Variants in GPHN observed in about 807,000 individuals in gnomAD.
GPHN encodes gephyrin.
In GPHN, 17 loss-of-function variants were observed where a neutral mutation model predicts 95.5. The ratio of observed to expected loss-of-function variants is 0.18; its 90% CI spans 0.12 to 0.27. The LOEUF (loss-of-function observed/expected upper bound fraction) is 0.27. Ranked by LOEUF, GPHN falls within the 10% of genes least tolerant of loss-of-function variation. GPHN has a pLI of 1.00. For missense variants in GPHN, 660 were observed against 978.1 expected (o/e 0.67, Z 4.34); for synonymous variants, 320 against 322.5 (o/e 0.99, Z 0.08).
the GPHN span, chr14:67,589,669 T>A: frequency 7.1e-6 from 7 of 990,770 alleles, no homozygotes; most frequent in Non-Finnish European, 8.4e-6. Flanking sequence ...GGCTTGTTTT[T>A]TTCGTAACTT....
chr14:66,852,390 T>C (rs2062621714), intron 4 of GPHN, among the ~76,000 whole-genome samples: 1 of 152,214 alleles, frequency 6.6e-6, no homozygotes, highest in Non-Finnish European at 1.5e-5. Context: ...TGTGTGTGTG[T>C]GCGTGCGCGT....
At chr14:66,703,460 A>G (rs1174376094) in intron 2 of GPHN, among the ~76,000 whole-genome samples, 1 of 152,248 alleles carries the variant, frequency 6.6e-6, no homozygotes, top group East Asian at 1.9e-4. Flanking sequence ...CAGAAACCCT[A>G]CAAGCCAGAA....
At chr14:67,328,229 C>T in the GPHN span, among the ~76,000 whole-genome samples, 1 of 152,192 alleles carries the variant, frequency 6.6e-6, no homozygotes. Context: ...TCTCTGATGG[C>T]CAGTGATGAT....
intron 1 of GPHN, among the ~76,000 whole-genome samples, chr14:66,612,947 T>C (rs935093908): frequency 6.6e-6 from 1 of 152,100 alleles, no homozygotes; most frequent in East Asian, 1.9e-4. Context: ...ATCCATTTGG[T>C]TTATGGACTT....
intron 2 of GPHN, among the ~76,000 whole-genome samples, chr14:66,720,881 A>G (rs954642723): frequency 7.9e-5 from 12 of 152,110 alleles, no homozygotes; most frequent in Non-Finnish European, 1.0e-4. Flanking sequence ...AAAAACAGAA[A>G]AACATAACCT....
At chr14:66,758,830 C>T (rs1277418730) in intron 2 of GPHN, among the ~76,000 whole-genome samples, 1 of 152,156 alleles carries the variant, frequency 6.6e-6, no homozygotes, top group Admixed American at 6.5e-5. Flanking sequence ...TTACCCATCC[C>T]TCTGTTTCTT....
the GPHN span, chr14:67,201,672 G>T: frequency 2.6e-6 from 1 of 384,134 alleles, no homozygotes; most frequent in Non-Finnish European, 5.2e-6. Context: ...TCCCTGAGCT[G>T]GGTCATCATC....
the GPHN span, among the ~76,000 whole-genome samples, chr14:67,329,698 G>C: frequency 3.3e-5 from 5 of 152,254 alleles, no homozygotes; most frequent in South Asian, 2.1e-4. Flanking sequence ...GGGCAACATA[G>C]TGAAATCCTG....
chr14:66,720,660 G>A (rs927697545), intron 2 of GPHN, among the ~76,000 whole-genome samples: 1 of 152,124 alleles, frequency 6.6e-6, no homozygotes, highest in Non-Finnish European at 1.5e-5. Flanking sequence ...AGATTCTGGA[G>A]GAATCAAGTA....
chr14:67,645,771 T>C, the GPHN span: 2 of 1,613,970 alleles, frequency 1.2e-6, no homozygotes, highest in East Asian at 4.5e-5. Flanking sequence ...GGACAGCCAG[T>C]TTCATTTCTC....
the GPHN span, among the ~76,000 whole-genome samples, chr14:67,444,671 G>C: frequency 6.6e-6 from 1 of 152,222 alleles, no homozygotes; most frequent in Non-Finnish European, 1.5e-5. Flanking sequence ...CCACCAGAAA[G>C]ACCAAATACG....
chr14:66,719,892 T>C (rs2070561234), intron 2 of GPHN, among the ~76,000 whole-genome samples: 2 of 152,222 alleles, frequency 1.3e-5, no homozygotes, highest in African/African-American at 2.4e-5. Flanking sequence ...GTACTACTAG[T>C]GACCATGTAA....
chr14:66,824,706 G>T, intron 4 of GPHN, 140 bp downstream of exon 4: 1 of 574,638 alleles, frequency 1.7e-6, no homozygotes, highest in South Asian at 2.3e-5. Context: ...TGAAAATTTT[G>T]CTGTGGATGA....
At chr14:66,593,452 G>T (rs1309463135) in intron 1 of GPHN, among the ~76,000 whole-genome samples, 1 of 152,044 alleles carries the variant, frequency 6.6e-6, no homozygotes, top group Admixed American at 6.6e-5. Flanking sequence ...ATGGCATCAG[G>T]CAAGAGAGCA....
intron 2 of GPHN, among the ~76,000 whole-genome samples, chr14:66,760,197 A>G (rs975185714): frequency 8.5e-5 from 13 of 152,242 alleles, no homozygotes; most frequent in Non-Finnish European, 1.9e-4. Context: ...TATCTAGCAC[A>G]TGAAATAATG....
the GPHN span, among the ~76,000 whole-genome samples, chr14:67,432,358 G>T: frequency 6.6e-6 from 1 of 152,148 alleles, no homozygotes; most frequent in African/African-American, 2.4e-5. Flanking sequence ...TGCCTTCCTT[G>T]GCGAACGAGC....
rs543664694 is a variant in GPHN, at chr14:66,786,676, C to T, written c.201+10155C>T. Among the ~76,000 whole-genome samples, 42 of 152,052 alleles carry T rather than the reference C, an allele frequency of 2.8e-4. 1 individual carries two copies. The highest frequency in any genetic ancestry group is 1.0e-3 in the South Asian group (5 of 4,820). On this transcript the variant is annotated intron_variant, in intron 3 of 22. Transcript: ENST00000478722. ...AATGTATAAAAAGAATTAAGTGCCA[C>T]GACAATTTGACATTTATTTGAAATA...
At chr14:66,787,562 C>G (rs2059820418) in intron 3 of GPHN, among the ~76,000 whole-genome samples, 1 of 152,130 alleles carries the variant, frequency 6.6e-6, no homozygotes, top group African/African-American at 2.4e-5. Context: ...AAGAATAACT[C>G]TACCCAATGA....
chr14:66,833,063 A>G (rs2061640435), intron 4 of GPHN, among the ~76,000 whole-genome samples: 1 of 152,186 alleles, frequency 6.6e-6, no homozygotes, highest in Admixed American at 6.6e-5. Context: ...CTAGAGAGGT[A>G]CCAAATACAG....
Sources: allele counts gnomAD v4.1 joint callset (sites outside exome capture counted in the v4.1 genomes callset), GRCh38; gene constraint gnomAD v4.1.1; transcripts MANE v1.5; gene names NCBI Gene and HGNC (gene_info 2026-07-23, HGNC 2026-07-21).